Variants in ALG1 observed in about 807,000 individuals in gnomAD.
ALG1 encodes the protein ALG1 chitobiosyldiphosphodolichol beta-mannosyltransferase, also known as chitobiosyldiphosphodolichol beta-mannosyltransferase.
Under a neutral mutation model 55.1 loss-of-function variants are expected in ALG1, and 58 were observed. The ratio of observed to expected loss-of-function variants is 1.05; its 90% CI spans 0.85 to 1.31. The LOEUF (loss-of-function observed/expected upper bound fraction) is 1.31, where lower values mean the gene tolerates loss of function less well. ALG1 is among the 50% of genes most tolerant of loss of function. ALG1 has a pLI of 0.00. For missense variants in ALG1, 761 were observed against 598.6 expected (o/e 1.27, Z -2.83); for synonymous variants, 309 against 247.0 (o/e 1.25, Z -2.35).
rs1292939104 is a variant in ALG1 at position 5,078,835 on chromosome 16, C to T, written c.819C>T (p.Leu273=). The T allele has an allele frequency of 1.2e-6, 2 of 1,612,068 alleles. No homozygotes were observed. Among genetic ancestry groups the T allele is most frequent in the African/African-American group, 1.3e-5 (1 of 75,004 alleles). Reference sequence around the variant, plus strand: ...CTGGGAGCGGGCTGGTGACGCGTCTCCGTGAGCGGCCAGCCCTGCTGGTCA... The same window carrying T: ...CTGGGAGCGGGCTGGTGACGCGTCTTCGTGAGCGGCCAGCCCTGCTGGTCA... ...RDAGSGLVTR[L]RERPALLVSS... Residue 273 remains leucine, a synonymous_variant, in exon 7 of 13, where the codon CTC becomes CTT. Transcript: ENST00000262374.
chr16:5,075,479 A>ACAACC lies in ALG1; in HGVS notation c.483_484insAACCC (p.Ser162AsnfsTer32). 1 of 1,613,718 alleles carries ACAACC rather than the reference A, an allele frequency of 6.2e-7. No homozygotes were observed. The highest frequency in any genetic ancestry group is 8.5e-7 in the Non-Finnish European group (1 of 1,179,954). ...GTCATTGACTGGCACAACTATGGCT[A>ACAACC]CTCCATCATGGGTCTGGTGCATGGC... On this transcript the variant is annotated frameshift_variant, in exon 4 of 13. Coordinates refer to ENST00000262374, the MANE Select transcript of ALG1 (RefSeq NM_019109.5). LOFTEE classifies it high-confidence loss of function.
At position 5,071,890 on chromosome 16, in the gene ALG1, T is replaced by TGCTGCC. The variant is rs1956822293; in HGVS notation, c.47_52dup (p.Pro16_Leu17dup). On this transcript the variant is annotated inframe_insertion, in exon 1 of 13. Coordinates refer to ENST00000262374, the MANE Select transcript of ALG1 (RefSeq NM_019109.5). ...TTGGTCCTGCTGGCGCTGTGTCTGC[T>TGCTGCC]GCTGCCGCTGCTGCTGCTGGGAGGA... is the stretch of plus-strand genomic sequence containing the variant. 5 of 1,600,040 alleles carry TGCTGCC rather than the reference T, an allele frequency of 3.1e-6. No individual in the cohort carries two copies. The highest frequency in any genetic ancestry group is 1.1e-5 in the South Asian group (1 of 89,680).
At chr16:5,078,164 C>T (rs1365655164) in intron 6 of ALG1, 147 bp downstream of exon 6, 3 of 900,672 alleles carry the variant, frequency 3.3e-6, no homozygotes, top group Admixed American at 2.0e-5. Context: ...AATCAAGTTT[C>T]ACTGGGACAC....
chr16:5,078,452 T>C (rs535251573), intron 6 of ALG1: 26 of 625,268 alleles, frequency 4.2e-5, no homozygotes, highest in South Asian at 3.7e-4. Context: ...GTGCCCTGGG[T>C]AAGCTGGGGT....
At position 5,072,931 on chromosome 16, in the gene ALG1, G is replaced by A; in HGVS notation, c.209-20G>A. On this transcript the variant is annotated intron_variant, in intron 1 of 12. Transcript: ENST00000262374. The stretch of plus-strand genomic sequence containing the variant: ...GATTGCTGCTTCTGGTACATTAAAG[G>A]GATCATTCTCATTTTTCAGACTCCA... The A allele has an allele frequency of 6.2e-7, 1 of 1,607,686 alleles. No individual in the cohort carries two copies. Among genetic ancestry groups the A allele is most frequent in the Non-Finnish European group, 8.5e-7 (1 of 1,174,132 alleles).
intron 6 of ALG1, chr16:5,078,501 A>AG: frequency 1.4e-6 from 1 of 716,822 alleles, no homozygotes; most frequent in Non-Finnish European, 2.5e-6. Context: ...TCTTGAGTCC[A>AG]GGGGATGATA....
At chr16:5,072,144 GCTC>G in intron 1 of ALG1, 87 bp downstream of exon 1, 1 of 1,546,916 alleles carries the variant, frequency 6.5e-7, no homozygotes, top group Non-Finnish European at 8.7e-7. Context: ...AGGCGGAAGT[GCTC>G]CTTTAGTCGC....
chr16:5,081,945 T>G (rs1957023973), intron 10 of ALG1, among the ~76,000 whole-genome samples: 1 of 152,064 alleles, frequency 6.6e-6, no homozygotes, highest in African/African-American at 2.4e-5. Context: ...TGTGGTTTAT[T>G]ATTATTATCA....
chr16:5,074,006 C>T (rs879275906), intron 3 of ALG1, among the ~76,000 whole-genome samples: 2 of 152,004 alleles, frequency 1.3e-5, no homozygotes, highest in Non-Finnish European at 1.5e-5. Flanking sequence ...TGCGCCACCG[C>T]GCCTGGCCTA....
At chr16:5,081,130 G>A in intron 10 of ALG1, 74 bp downstream of exon 10, 1 of 1,438,568 alleles carries the variant, frequency 7.0e-7, no homozygotes, top group Non-Finnish European at 9.3e-7. Context: ...TTCTGAAAAG[G>A]TGGCTCTGGA....
rs1396175191 is a variant in ALG1, at chr16:5,087,166, C to G, written c.*2285C>G. 3 of 152,102 alleles carry G rather than the reference C, an allele frequency of 2.0e-5. No homozygotes were observed. The highest frequency in any genetic ancestry group is 1.3e-4 in the Admixed American group (2 of 15,270). The allele number at this position is 152,102 out of a possible 1,614,324, so 9.4% of individuals were successfully genotyped here. The stretch of plus-strand genomic sequence containing the variant: ...TGCCACACTGGAAGAAGAAGAATCG[C>G]CTTGGGCCACGCATAAAATACACTA... On this transcript the variant is annotated 3_prime_UTR_variant, in exon 13 of 13. Transcript: ENST00000262374.
chr16:5,084,708 G>C (rs374102711), intron 12 of ALG1, 42 bp from the exon 13 acceptor site: 1 of 1,596,308 alleles, frequency 6.3e-7, no homozygotes, highest in East Asian at 2.2e-5. Flanking sequence ...GATGGGGTGG[G>C]GACAGGCAAT....
At chr16:5,074,016 A>G (rs761291324) in intron 3 of ALG1, among the ~76,000 whole-genome samples, 36 of 152,208 alleles carry the variant, frequency 2.4e-4, no homozygotes, top group Non-Finnish European at 4.4e-4. Flanking sequence ...CGCCTGGCCT[A>G]TCGTTATACT....
intron 3 of ALG1, 147 bp from the exon 4 acceptor site, chr16:5,075,241 G>A: frequency 1.1e-6 from 1 of 891,478 alleles, no homozygotes; most frequent in South Asian, 1.4e-5. Flanking sequence ...ATCTATTTTG[G>A]TGGTGGAGAG....
intron 3 of ALG1, among the ~76,000 whole-genome samples, chr16:5,074,192 C>T (rs907888618): frequency 4.6e-5 from 7 of 151,832 alleles, no homozygotes; most frequent in Non-Finnish European, 8.8e-5. Context: ...GTTGCTCAGG[C>T]TGGAGTGCAG....
intron 3 of ALG1, among the ~76,000 whole-genome samples, chr16:5,074,472 C>T (rs1160854231): frequency 1.3e-5 from 2 of 152,142 alleles, no homozygotes; most frequent in Admixed American, 6.5e-5. Context: ...AATAGGCAGC[C>T]TTGAATTCCA....
chr16:5,080,909 G>T (rs2142721713), intron 9 of ALG1, 37 bp from the exon 10 acceptor site: 3 of 1,593,856 alleles, frequency 1.9e-6, no homozygotes, highest in Non-Finnish European at 2.5e-6. Context: ...CAGGGACAGA[G>T]ATGGGTCCAT....
At chr16:5,078,924 T>C in intron 7 of ALG1, 46 bp downstream of exon 7, 1 of 1,606,024 alleles carries the variant, frequency 6.2e-7, no homozygotes, top group Non-Finnish European at 8.5e-7. Context: ...GACGGGCACC[T>C]GGCCAACCTG....
At chr16:5,083,605 G>C (rs8056523) in intron 11 of ALG1, 77 bp from the exon 12 acceptor site, 3 of 1,595,326 alleles carry the variant, frequency 1.9e-6, no homozygotes, top group Non-Finnish European at 2.5e-6. Flanking sequence ...GGGGTGTGTG[G>C]GGGAGCCCAG....
Sources: gnomAD v4.1 joint callset for allele counts (sites outside exome capture counted in the v4.1 genomes callset) on GRCh38, gnomAD v4.1.1 for gene constraint, MANE v1.5 for transcripts, NCBI Gene and HGNC (gene_info 2026-07-23, HGNC 2026-07-21) for gene names.